The following DOCK5 variants were observed in gnomAD, a reference collection of about 807,000 sequenced individuals.
The protein encoded by DOCK5 is dedicator of cytokinesis protein 5.
Under a neutral mutation model 251.8 loss-of-function variants are expected in DOCK5, and 142 were observed. The ratio of observed to expected loss-of-function variants is 0.56; its 90% CI spans 0.49 to 0.65. The LOEUF (loss-of-function observed/expected upper bound fraction) is 0.65, where lower values mean the gene tolerates loss of function less well. DOCK5 is among the 30% of genes least tolerant of loss of function. The probability of loss-of-function intolerance (pLI) is 0.00; values close to 1 mark genes in which losing one functional copy is unlikely to be tolerated. For synonymous variants in DOCK5, 842 were observed against 835.5 expected (o/e 1.01, Z -0.13); for missense variants, 2,111 against 2,312.3 (o/e 0.91, Z 1.79).
intron 40 of DOCK5, among the ~76,000 whole-genome samples, chr8:25,386,134 G>A (rs1248502313): frequency 6.6e-6 from 1 of 152,180 alleles, no homozygotes; most frequent in East Asian, 1.9e-4. Flanking sequence ...GGTACATTTG[G>A]AACATCCAAA....
Position 25,302,355 on chromosome 8 carries a change from C to A in DOCK5, c.877C>A (p.Arg293Ser). 2 of 1,613,284 alleles carry A rather than the reference C, an allele frequency of 1.2e-6. No homozygotes were observed. Among genetic ancestry groups the A allele is most frequent in the Non-Finnish European group, 1.7e-6 (2 of 1,179,590 alleles). Residue 293 changes from arginine (R) to serine (S), a missense_variant, in exon 10 of 52, where the codon CGC becomes AGC. Arg to Ser is a moderately radical substitution (Grantham distance 110). Coordinates refer to ENST00000276440, the MANE Select transcript of DOCK5 (RefSeq NM_024940.8). ...DLSSMDLIRP[R>S]VSLVCQIVRV... is the part of the protein sequence containing the mutation. ...TAGCAGCATGGACCTCATCCGGCCC[C>A]GCGTCAGCCTTGTGTGCCAGATTGT...
At chr8:25,253,527 G>A (rs1482691343) in intron 2 of DOCK5, among the ~76,000 whole-genome samples, 1 of 152,080 alleles carries the variant, frequency 6.6e-6, no homozygotes, top group Non-Finnish European at 1.5e-5. Context: ...AATGCGTTAG[G>A]TTATGTCCAT....
intron 2 of DOCK5, among the ~76,000 whole-genome samples, chr8:25,260,200 C>T (rs955731779): frequency 4.6e-5 from 7 of 151,780 alleles, no homozygotes; most frequent in African/African-American, 9.7e-5. Context: ...AGGATATGCC[C>T]GTGGAAACCT....
At chr8:25,236,429 A>G (rs1031393870) in intron 1 of DOCK5, among the ~76,000 whole-genome samples, 1 of 152,186 alleles carries the variant, frequency 6.6e-6, no homozygotes, top group Non-Finnish European at 1.5e-5. Flanking sequence ...TACAGAGCAT[A>G]AGAAAATGAA....
intron 45 of DOCK5, among the ~76,000 whole-genome samples, chr8:25,399,262 A>C (rs556937783): frequency 1.3e-5 from 2 of 152,308 alleles, no homozygotes; most frequent in African/African-American, 4.8e-5. Flanking sequence ...TGTTACAGGG[A>C]CTTAGCTGGG....
intron 1 of DOCK5, among the ~76,000 whole-genome samples, chr8:25,240,403 G>A (rs1308756782): frequency 1.3e-5 from 2 of 152,004 alleles, no homozygotes; most frequent in Non-Finnish European, 2.9e-5. Flanking sequence ...CCGCAACCCA[G>A]TTTTAGGATG....
At chr8:25,241,683 C>G (rs1802948719) in intron 1 of DOCK5, among the ~76,000 whole-genome samples, 1 of 152,118 alleles carries the variant, frequency 6.6e-6, no homozygotes, top group Non-Finnish European at 1.5e-5. Context: ...AAACATGCTA[C>G]TATAAAGACA....
In DOCK5 at chr8:25,210,080, T is replaced by TATC. The variant is rs1802099592; in HGVS notation, c.43+25129_43+25130insATC. Among the ~76,000 whole-genome samples the TATC allele has an allele frequency of 9.1e-4, 24 of 26,332 alleles. 8 individuals are homozygous for TATC. Among genetic ancestry groups the TATC allele is most frequent in the Non-Finnish European group, 1.3e-3 (12 of 9,004 alleles). The allele number at this position is 26,332 out of a possible 152,430, so 17.3% of individuals were successfully genotyped here. A position where few individuals can be genotyped will look rare whatever the true frequency, so the allele number is the denominator to read the frequency against. ...TGTGTGTGTGTGTGTATCTGTCTATTTATCTATCTATCTATCTATCTATCT... is the reference window on the plus strand; with the variant it reads ...TGTGTGTGTGTGTGTATCTGTCTATTATCTATCTATCTATCTATCTATCTATCT... On this transcript the variant is annotated intron_variant, in intron 1 of 51. Transcript: ENST00000276440.
At chr8:25,361,674 T>C (rs189398880) in intron 28 of DOCK5, among the ~76,000 whole-genome samples, 11 of 152,248 alleles carry the variant, frequency 7.2e-5, no homozygotes, top group Non-Finnish European at 1.0e-4. Flanking sequence ...ATTCATTAAT[T>C]ATGTCTAGGA....
At chr8:25,239,750 C>T (rs1020858467) in intron 1 of DOCK5, among the ~76,000 whole-genome samples, 2 of 152,152 alleles carry the variant, frequency 1.3e-5, no homozygotes, top group Non-Finnish European at 2.9e-5. Context: ...TTCTGAATCG[C>T]GTGCGATTTC....
At chr8:25,407,914 C>G in intron 48 of DOCK5, 69 bp from the exon 49 acceptor site, 1 of 1,423,160 alleles carries the variant, frequency 7.0e-7, no homozygotes, top group South Asian at 1.4e-5. Flanking sequence ...ACTGCTGGTA[C>G]TTTCATAGTG....
At chr8:25,364,524 A>T in intron 29 of DOCK5, 102 bp from the exon 30 acceptor site, 2 of 791,518 alleles carry the variant, frequency 2.5e-6, no homozygotes, top group Non-Finnish European at 4.2e-6. Flanking sequence ...AGGTCTTATG[A>T]TGCCAAGTTC....
intron 13 of DOCK5, among the ~76,000 whole-genome samples, chr8:25,313,371 A>G (rs76599424): frequency 0.034 from 5,158 of 152,210 alleles, 289 homozygotes; most frequent in African/African-American, 0.12. Flanking sequence ...TTTCTAGCCT[A>G]GCGATCAACT....
intron 2 of DOCK5, among the ~76,000 whole-genome samples, chr8:25,244,003 G>C (rs1047748533): frequency 5.3e-5 from 8 of 152,214 alleles, no homozygotes; most frequent in East Asian, 3.9e-4. Flanking sequence ...AAGGGTGCTG[G>C]TGTGGCCAGG....
chr8:25,310,180 C>T (rs370891494), intron 12 of DOCK5, among the ~76,000 whole-genome samples: 1 of 151,932 alleles, frequency 6.6e-6, no homozygotes, highest in Non-Finnish European at 1.5e-5. Context: ...ATCTTTACCC[C>T]TTTTTTCCCC....
intron 4 of DOCK5, among the ~76,000 whole-genome samples, chr8:25,276,074 GTA>G (rs1804038268): frequency 6.6e-6 from 1 of 152,116 alleles, no homozygotes; most frequent in Non-Finnish European, 1.5e-5. Flanking sequence ...GTGCGTGTGT[GTA>G]TGTTTGCACA....
rs573613771 is a variant in DOCK5, at chr8:25,324,199, G to A, written c.1719+248G>A. Among the ~76,000 whole-genome samples the A allele has an allele frequency of 5.3e-5, 8 of 152,168 alleles. No homozygotes were observed. In the South Asian group the frequency reaches 8.3e-4, roughly 16 times the overall value. Reference sequence around the variant, plus strand: ...GCTCTCACCTCCTTAGACCTCTCACGGGAGAGGTCCTGTGAATGGTGTTCC... The same window carrying A: ...GCTCTCACCTCCTTAGACCTCTCACAGGAGAGGTCCTGTGAATGGTGTTCC... On this transcript the variant is annotated intron_variant, in intron 17 of 51. Coordinates refer to ENST00000276440, the MANE Select transcript of DOCK5 (RefSeq NM_024940.8).
chr8:25,329,832 C>T (rs1040686429), intron 18 of DOCK5, among the ~76,000 whole-genome samples: 1 of 151,932 alleles, frequency 6.6e-6, no homozygotes, highest in Admixed American at 6.6e-5. Context: ...CACTATACAG[C>T]GAGAAAAAAA....
chr8:25,221,525 T>G (rs1278331460), intron 1 of DOCK5, among the ~76,000 whole-genome samples: 1 of 152,172 alleles, frequency 6.6e-6, no homozygotes, highest in African/African-American at 2.4e-5. Context: ...GCCAGGATGG[T>G]CTCAATCTCT....
Sources: gnomAD v4.1 joint callset for allele counts (sites outside exome capture counted in the v4.1 genomes callset) on GRCh38, gnomAD v4.1.1 for gene constraint, MANE v1.5 for transcripts, NCBI Gene and HGNC (gene_info 2026-07-23, HGNC 2026-07-21) for gene names.